The following PIEZO2 variants were observed in gnomAD, a reference collection of about 807,000 sequenced individuals.
The protein encoded by PIEZO2 is piezo type mechanosensitive ion channel component 2.
PIEZO2 carries 172 observed loss-of-function variants against 337.3 expected under a neutral mutation model. The observed-to-expected ratio is 0.51, with a 90% CI of 0.45 to 0.58. PIEZO2 has a LOEUF of 0.58. Among genes scored for constraint, PIEZO2 ranks in the 20% least tolerant of loss-of-function variants. PIEZO2 has a pLI of 0.00. For missense variants in PIEZO2, 3,028 were observed against 3,391.3 expected (o/e 0.89, Z 2.66); for synonymous variants, 1,251 against 1,228.5 (o/e 1.02, Z -0.38).
intron 1 of PIEZO2, among the ~76,000 whole-genome samples, chr18:11,093,239 G>A (rs551933627): frequency 6.6e-6 from 1 of 152,284 alleles, no homozygotes; most frequent in East Asian, 1.9e-4. Context: ...ATTTGCGGGA[G>A]TGACCTATAC....
rs563389476 is a variant in PIEZO2 at position 10,895,351 on chromosome 18, C to T, written c.329+15835G>A. On this transcript the variant is annotated intron_variant, in intron 4 of 55. Transcript: ENST00000674853. This position sits in a 1 kb window ranked among gnomAD's most constrained non-coding sequence, Gnocchi z 4.8. ...ATAACAGCTACTCGGGAGGCTGAGG[C>T]AGGAGAATCGCTTGAACCTGGGTGG... 6.6e-6 allele frequency among the ~76,000 whole-genome samples: 1 copy of T among 152,144 alleles called. No homozygotes were observed. Among genetic ancestry groups the T allele is most frequent in the East Asian group, 1.9e-4 (1 of 5,158 alleles).
intron 3 of PIEZO2, among the ~76,000 whole-genome samples, chr18:10,916,780 C>T (rs2031011261): frequency 6.6e-6 from 1 of 152,170 alleles, no homozygotes. Context: ...GAGCGGGCCC[C>T]AAGGCGGAGG....
intron 2 of PIEZO2, among the ~76,000 whole-genome samples, chr18:11,051,309 T>C (rs1008726348): frequency 1.3e-5 from 2 of 151,612 alleles, no homozygotes; most frequent in East Asian, 3.9e-4. Flanking sequence ...TTCTTAGAAA[T>C]AATTAACACA....
At position 10,744,642 on chromosome 18, in the gene PIEZO2, A is replaced by G. The variant is rs376998309; in HGVS notation, c.4425-411T>C. On this transcript the variant is annotated intron_variant, in intron 30 of 55. Transcript: ENST00000674853. ...GTACAGTCAGATTCATTTTCTACTC[A>G]ATTAGCAGAAACTGGGGATTCCTTC... Among the ~76,000 whole-genome samples the G allele has an allele frequency of 1.2e-4, 18 of 152,288 alleles. 1 individual carries two copies. Among genetic ancestry groups the G allele is most frequent in the African/African-American group, 4.3e-4 (18 of 41,564 alleles).
intron 2 of PIEZO2, among the ~76,000 whole-genome samples, chr18:11,024,085 G>T (rs935735610): frequency 1.3e-5 from 2 of 152,230 alleles, no homozygotes; most frequent in South Asian, 4.1e-4. Context: ...AGCCCAGAAA[G>T]GGGCTCCCAC....
At chr18:10,937,143 G>A (rs138643160) in intron 3 of PIEZO2, among the ~76,000 whole-genome samples, 49 of 152,254 alleles carry the variant, frequency 3.2e-4, no homozygotes, top group African/African-American at 1.1e-3. Context: ...ACCAGGAGAT[G>A]GCAAAAAATT....
At position 10,675,269 on chromosome 18, in the gene PIEZO2, G is replaced by C; in HGVS notation, c.8101C>G (p.Pro2701Ala). Residue 2701 changes from proline (P) to alanine (A), a missense_variant, in exon 54 of 56, where the codon CCA becomes GCA. Pro to Ala is a conservative substitution (Grantham distance 27). This residue lies in a region of PIEZO2 where 332 missense variants were observed against 363.8 expected (regional missense o/e 0.91). Coordinates refer to ENST00000674853, the MANE Select transcript of PIEZO2 (RefSeq NM_001378183.1). ...KTPVTIEKIY[P>A]YYVKAPSDSN... ...TCACTAGGTGCTTTCACATAATATGGATAAATCTTTTCTATGGTCCTGTAC... is the reference window on the plus strand; with the variant it reads ...TCACTAGGTGCTTTCACATAATATGCATAAATCTTTTCTATGGTCCTGTAC... 2 of 1,533,826 alleles carry C rather than the reference G, an allele frequency of 1.3e-6. No individual in the cohort carries two copies. The highest frequency in any genetic ancestry group is 1.8e-6 in the Non-Finnish European group (2 of 1,133,832).
chr18:10,779,747 T>A (rs2038913627), intron 18 of PIEZO2, among the ~76,000 whole-genome samples: 1 of 152,174 alleles, frequency 6.6e-6, no homozygotes, highest in Admixed American at 6.5e-5. Flanking sequence ...GGTAAGGCGC[T>A]GGGGTTAGGT....
intron 7 of PIEZO2, among the ~76,000 whole-genome samples, chr18:10,812,351 G>A (rs919108520): frequency 2.0e-5 from 3 of 152,108 alleles, no homozygotes; most frequent in South Asian, 2.1e-4. Flanking sequence ...ACTAAGAAGG[G>A]AATAACGGGA....
At position 10,692,507 on chromosome 18, in the gene PIEZO2, CCCTT is replaced by C. The variant is rs1301496666; in HGVS notation, c.7191-1128_7191-1125del. ...CCTTCTTTCTTTCTCTCTCTCTCACCCCTTCCTTCCTTCTTGCTTCCTTCTTTCC... is the reference window on the plus strand; with the variant it reads ...CCTTCTTTCTTTCTCTCTCTCTCACCCCTTCCTTCTTGCTTCCTTCTTTCC... On this transcript the variant is annotated intron_variant, in intron 47 of 55. Transcript: ENST00000674853. Among the ~76,000 whole-genome samples the C allele has an allele frequency of 2.0e-5, 3 of 150,772 alleles. No homozygotes were observed. The South Asian group carries it at 6.4e-4, about 32-fold the overall frequency.
intron 1 of PIEZO2, among the ~76,000 whole-genome samples, chr18:11,114,305 T>A (rs1420009705): frequency 1.3e-5 from 2 of 152,216 alleles, no homozygotes. Context: ...TGTCTTACAA[T>A]AGAGCTCTTT....
rs1477099717 is a variant in PIEZO2 at position 11,128,981 on chromosome 18, T to C, written c.64+19544A>G. On this transcript the variant is annotated intron_variant, in intron 1 of 55. Coordinates refer to ENST00000674853, the MANE Select transcript of PIEZO2 (RefSeq NM_001378183.1). This position sits in a 1 kb window ranked among gnomAD's most constrained non-coding sequence, Gnocchi z 4.1. ...TGTTTAATGTTGCAGATCAGGGAGT[T>C]AAAAAAGGTTCTAATAGTTTATTTG... is the stretch of plus-strand genomic sequence containing the variant. Among the ~76,000 whole-genome samples, 1 of 152,112 alleles carries C rather than the reference T, an allele frequency of 6.6e-6. No homozygotes were observed. Among genetic ancestry groups the C allele is most frequent in the Non-Finnish European group, 1.5e-5 (1 of 68,006 alleles).
At chr18:10,910,500 T>C (rs1032106798) in intron 4 of PIEZO2, among the ~76,000 whole-genome samples, 4 of 152,088 alleles carry the variant, frequency 2.6e-5, no homozygotes, top group Admixed American at 1.3e-4. Context: ...AGACAATCAC[T>C]TGAACCCAGG....
rs1346997318 is a variant in PIEZO2 at position 10,748,615 on chromosome 18, G to A, written c.4280C>T (p.Pro1427Leu). Residue 1427 changes from proline to leucine, a missense_variant, in exon 30 of 56, where the codon CCC (proline) becomes CTC (leucine). Around this residue, in one of 5 missense-constraint regions of PIEZO2, gnomAD observed 1,925 missense variants for 2,051.9 expected, o/e 0.94. Coordinates refer to ENST00000674853, the MANE Select transcript of PIEZO2 (RefSeq NM_001378183.1). The surrounding 1 kb of genome is among the most constrained non-coding windows in gnomAD (Gnocchi z 5.1). The stretch of plus-strand genomic sequence containing the variant: ...TGCTTCCCCACTGGGAAGTGTACAG[G>A]GTGAATTAGCAGCAGCTATAGTAAC... ...KGYQMPAANS[P>L]CTLPSGEAGI... The A allele has an allele frequency of 1.4e-6, 2 of 1,478,146 alleles. No homozygotes were observed. Among genetic ancestry groups the A allele is most frequent in the East Asian group, 2.6e-5 (1 of 38,694 alleles). 91.6% of individuals were successfully genotyped at this position (1,478,146 alleles called of 1,614,324 possible). A position where few individuals can be genotyped will look rare whatever the true frequency, so the allele number is the denominator to read the frequency against.
At position 10,762,975 on chromosome 18, in the gene PIEZO2, A is replaced by G; in HGVS notation, c.3070T>C (p.Leu1024=). ...GGCTTAATGGTTTGGAGCTGGTACA[A>G]CATTTTGCAGACGATGATCACACAC... The part of the protein sequence containing the change: ...WTCVIIVCKM[L]YQLQTIKPEN... The change falls in exon 22 of 56, where the codon TTG becomes CTG. Residue 1024 remains leucine (L), a synonymous_variant. Coordinates refer to ENST00000674853, the MANE Select transcript of PIEZO2 (RefSeq NM_001378183.1). 6.5e-7 allele frequency: 1 copy of G among 1,537,322 alleles called. No individual in the cohort carries two copies. Among genetic ancestry groups the G allele is most frequent in the Non-Finnish European group, 8.7e-7 (1 of 1,146,932 alleles).
Position 11,003,809 on chromosome 18 carries a change from A to C in PIEZO2, c.161-24149T>G, listed in dbSNP as rs1455469985. Among the ~76,000 whole-genome samples the C allele has an allele frequency of 1.3e-5, 2 of 152,222 alleles. No individual in the cohort carries two copies. Among genetic ancestry groups the C allele is most frequent in the African/African-American group, 2.4e-5 (1 of 41,462 alleles). ...GACCTGGGGAGAACAAGCAAACTCC[A>C]CATGGGGGTGGACCTGGAAACAAAG... On this transcript the variant is annotated intron_variant, in intron 2 of 55. Transcript: ENST00000674853. This position sits in a 1 kb window ranked among gnomAD's most constrained non-coding sequence, Gnocchi z 4.6.
chr18:10,842,258 T>C (rs1395210948), intron 7 of PIEZO2, among the ~76,000 whole-genome samples: 1 of 152,202 alleles, frequency 6.6e-6, no homozygotes, highest in Non-Finnish European at 1.5e-5. Flanking sequence ...CAACCTAATA[T>C]ACATGAATGT....
intron 36 of PIEZO2, among the ~76,000 whole-genome samples, chr18:10,729,375 C>T (rs2144047718): frequency 1.3e-5 from 2 of 152,210 alleles, no homozygotes; most frequent in South Asian, 4.1e-4. Flanking sequence ...CCTGTAATCC[C>T]AGCACTTTGG....
rs897263456 is a variant in PIEZO2, at chr18:11,105,951, T to C, written c.65-39729A>G. Among the ~76,000 whole-genome samples the C allele has an allele frequency of 1.3e-5, 2 of 152,222 alleles. No homozygotes were observed. Among genetic ancestry groups the C allele is most frequent in the Non-Finnish European group, 2.9e-5 (2 of 68,040 alleles). On this transcript the variant is annotated intron_variant, in intron 1 of 55. Coordinates refer to ENST00000674853, the MANE Select transcript of PIEZO2 (RefSeq NM_001378183.1). The surrounding 1 kb of genome is among the most constrained non-coding windows in gnomAD (Gnocchi z 4.3). ...CAAGGGTTTCTCTGTTTATTTGAAA[T>C]GTTCAGCTTTCACTTTTTGGCATAG...
Sources: gnomAD v4.1 joint callset for allele counts (sites outside exome capture counted in the v4.1 genomes callset) on GRCh38, gnomAD v4.1.1 for gene constraint, gnomAD v4.1.1 regional missense constraint, Gnocchi (gnomAD v3.1) non-coding constraint, MANE v1.5 for transcripts, NCBI Gene and HGNC (gene_info 2026-07-23, HGNC 2026-07-21) for gene names.